The following KCNH8 variants were observed in gnomAD, a reference collection of about 807,000 sequenced individuals.
KCNH8 encodes potassium voltage-gated channel subfamily H member 8, also known as voltage-gated delayed rectifier potassium channel KCNH8.
KCNH8 carries 70 observed loss-of-function variants against 103.6 expected under a neutral mutation model. The ratio of observed to expected loss-of-function variants is 0.68; its 90% CI spans 0.56 to 0.82. The LOEUF is 0.82. Among genes scored for constraint, KCNH8 ranks in the 40% least tolerant of loss-of-function variants. KCNH8 has a pLI of 0.00. For synonymous variants in KCNH8, 498 were observed against 489.4 expected (o/e 1.02, Z -0.23); for missense variants, 1,217 against 1,329.9 (o/e 0.92, Z 1.32).
intron 10 of KCNH8, among the ~76,000 whole-genome samples, chr3:19,454,144 C>CTGTGTGTGTG (rs372400109): frequency 3.7e-4 from 49 of 131,610 alleles, no homozygotes; most frequent in East Asian, 2.7e-3. Context: ...AGTAAGGCTT[C>CTGTGTGTGTG]TGTGTGTGTG....
chr3:19,172,803 T>TG (rs1305125502), intron 1 of KCNH8, among the ~76,000 whole-genome samples: 1 of 152,176 alleles, frequency 6.6e-6, no homozygotes, highest in Non-Finnish European at 1.5e-5. Context: ...ATCTACCTTG[T>TG]GGTTGTGGCA....
Position 19,451,394 on chromosome 3 carries a change from G to A in KCNH8, c.1815G>A (p.Leu605=). The part of the protein sequence containing the change: ...SMEVLKDSMV[L]AILGKGDLIG... Reference sequence around the variant, plus strand: ...AAGTTCTTAAAGACAGCATGGTGCTGGCTATTCTTGGTAGGTCTGAATTGA... The same window carrying A: ...AAGTTCTTAAAGACAGCATGGTGCTAGCTATTCTTGGTAGGTCTGAATTGA... The change falls in exon 10 of 16, where the codon CTG becomes CTA. Residue 605 remains leucine, a synonymous_variant. Coordinates refer to ENST00000328405, the MANE Select transcript of KCNH8 (RefSeq NM_144633.3). The A allele has an allele frequency of 6.2e-7, 1 of 1,613,544 alleles. No homozygotes were observed. The highest frequency in any genetic ancestry group is 8.5e-7 in the Non-Finnish European group (1 of 1,179,698).
intron 5 of KCNH8, among the ~76,000 whole-genome samples, chr3:19,357,966 C>G (rs2065900671): frequency 6.6e-6 from 1 of 151,746 alleles, no homozygotes; most frequent in Admixed American, 6.6e-5. Flanking sequence ...TACTCCATAC[C>G]TAAACATGTT....
intron 1 of KCNH8, among the ~76,000 whole-genome samples, chr3:19,228,096 T>C (rs79403887): frequency 0.067 from 10,226 of 152,264 alleles, 1,147 homozygotes; most frequent in African/African-American, 0.23. Context: ...CCAAACAGTA[T>C]GACTCTAGGG....
chr3:19,451,047 G>A (rs2067439514), intron 9 of KCNH8, 108 bp from the exon 10 acceptor site: 2 of 1,037,212 alleles, frequency 1.9e-6, no homozygotes, highest in South Asian at 1.4e-5. Context: ...TATGCTGGAT[G>A]GCCAAACAGC....
At chr3:19,461,641 G>T (rs1004520880) in intron 11 of KCNH8, among the ~76,000 whole-genome samples, 1 of 152,106 alleles carries the variant, frequency 6.6e-6, no homozygotes, top group Non-Finnish European at 1.5e-5. Context: ...ATTTTTAAAA[G>T]TCATGTGGCC....
At chr3:19,239,860 G>C (rs2064116098) in intron 1 of KCNH8, among the ~76,000 whole-genome samples, 1 of 152,040 alleles carries the variant, frequency 6.6e-6, no homozygotes. Flanking sequence ...TATCTCATTT[G>C]ACATCACATC....
chr3:19,258,931 CTCTCTCTCTCTCTCTCTA>C (rs1217746292), intron 2 of KCNH8, among the ~76,000 whole-genome samples: 14 of 83,312 alleles, frequency 1.7e-4, no homozygotes, highest in African/African-American at 4.4e-4. Context: ...CTCTCTCTCT[CTCTCTCTCTCTCTCTCTA>C]TATATATATA....
chr3:19,257,549 T>C (rs777599233), intron 2 of KCNH8, among the ~76,000 whole-genome samples: 1 of 152,088 alleles, frequency 6.6e-6, no homozygotes, highest in Non-Finnish European at 1.5e-5. Flanking sequence ...ACCATCATGA[T>C]TGGATGTACC....
chr3:19,346,343 G>A (rs372460047), intron 4 of KCNH8, among the ~76,000 whole-genome samples: 1 of 152,152 alleles, frequency 6.6e-6, no homozygotes, highest in South Asian at 2.1e-4. Flanking sequence ...ACCAGAGAAT[G>A]AGACAAAGGA....
At position 19,492,130 on chromosome 3, in the gene KCNH8, T is replaced by C. The variant is rs537058329; in HGVS notation, c.2041-18233T>C. Among the ~76,000 whole-genome samples the C allele has an allele frequency of 3.3e-5, 5 of 152,276 alleles. No homozygotes were observed. The East Asian group carries it at 9.6e-4, about 29-fold the overall frequency. ...TTTATCCCATTTTGTCAGTTGTCTG[T>C]TTACTCTCTTGATAGTTTCTTTTGT... On this transcript the variant is annotated intron_variant, in intron 11 of 15. Transcript: ENST00000328405.
At chr3:19,302,285 C>A (rs953701863) in intron 3 of KCNH8, among the ~76,000 whole-genome samples, 2 of 152,154 alleles carry the variant, frequency 1.3e-5, no homozygotes, top group African/African-American at 4.8e-5. Flanking sequence ...CCTCTCACTC[C>A]ATCCCTTTGG....
At chr3:19,322,669 C>A in intron 3 of KCNH8, among the ~76,000 whole-genome samples, 1 of 152,248 alleles carries the variant, frequency 6.6e-6, no homozygotes, top group Non-Finnish European at 1.5e-5. Flanking sequence ...GACTATGTGC[C>A]CAGGCAATGA....
chr3:19,518,850 G>A (rs189989624), intron 15 of KCNH8, among the ~76,000 whole-genome samples: 397 of 151,958 alleles, frequency 2.6e-3, no homozygotes, highest in Admixed American at 7.5e-3. Context: ...ATACTTTCTT[G>A]ATTACTGTCT....
At chr3:19,409,524 C>T (rs2066743624) in intron 7 of KCNH8, among the ~76,000 whole-genome samples, 1 of 152,018 alleles carries the variant, frequency 6.6e-6, no homozygotes, top group African/African-American at 2.4e-5. Flanking sequence ...TCAATATTAA[C>T]CTGGAAGGTA....
At chr3:19,197,691 G>A (rs1423745439) in intron 1 of KCNH8, among the ~76,000 whole-genome samples, 10 of 151,936 alleles carry the variant, frequency 6.6e-5, no homozygotes, top group South Asian at 2.1e-4. Flanking sequence ...TAGGAAGACC[G>A]TGAGAGTTCC....
intron 1 of KCNH8, among the ~76,000 whole-genome samples, chr3:19,160,113 A>G (rs1199207833): frequency 6.6e-6 from 1 of 152,154 alleles, no homozygotes; most frequent in Non-Finnish European, 1.5e-5. Context: ...GGGTGCCCAC[A>G]TTGACTGCAT....
At chr3:19,326,675 G>A (rs1325200187) in intron 3 of KCNH8, among the ~76,000 whole-genome samples, 1 of 152,040 alleles carries the variant, frequency 6.6e-6, no homozygotes, top group East Asian at 1.9e-4. Flanking sequence ...AGAGACTAAG[G>A]TGGCACTACC....
At chr3:19,300,164 G>A (rs755509410) in intron 3 of KCNH8, among the ~76,000 whole-genome samples, 1 of 151,774 alleles carries the variant, frequency 6.6e-6, no homozygotes, top group Non-Finnish European at 1.5e-5. Context: ...CAGGAGAATC[G>A]CTTGAACCTG....
Sources: allele counts gnomAD v4.1 joint callset (sites outside exome capture counted in the v4.1 genomes callset), GRCh38; gene constraint gnomAD v4.1.1; transcripts MANE v1.5; gene names NCBI Gene and HGNC (gene_info 2026-07-23, HGNC 2026-07-21).